The following CNTN5 variants were observed in gnomAD, a reference collection of about 807,000 sequenced individuals.
The protein encoded by CNTN5 is contactin 5, also known as contactin-5.
CNTN5 carries 77 observed loss-of-function variants against 129.1 expected under a neutral mutation model. That is an observed-to-expected ratio of 0.60 (90% CI 0.50 to 0.72). The LOEUF (loss-of-function observed/expected upper bound fraction) is 0.72, where lower values mean the gene tolerates loss of function less well. Among genes scored for constraint, CNTN5 ranks in the 30% least tolerant of loss-of-function variants. The pLI, the probability that CNTN5 is intolerant of heterozygous loss-of-function variation, is 0.00. For synonymous variants in CNTN5, 509 were observed against 465.6 expected (o/e 1.09, Z -1.20); for missense variants, 1,478 against 1,328.8 (o/e 1.11, Z -1.75).
intron 9 of CNTN5, among the ~76,000 whole-genome samples, chr11:100,022,527 A>G (rs1326004447): frequency 1.3e-5 from 2 of 152,190 alleles, no homozygotes; most frequent in African/African-American, 4.8e-5. Flanking sequence ...CAATGATACT[A>G]TTTGTTTGAC....
At chr11:100,013,500 T>C (rs971573407) in intron 9 of CNTN5, among the ~76,000 whole-genome samples, 10 of 152,318 alleles carry the variant, frequency 6.6e-5, no homozygotes, top group African/African-American at 2.4e-4. Context: ...AATCTGAGTA[T>C]ATGTAAAACT....
At chr11:99,034,164 G>A (rs577877551) in intron 1 of CNTN5, among the ~76,000 whole-genome samples, 5,354 of 152,066 alleles carry the variant, frequency 0.035, 304 homozygotes, top group African/African-American at 0.12. Flanking sequence ...TGCTGGATTC[G>A]GTTTGCCAGT....
intron 1 of CNTN5, among the ~76,000 whole-genome samples, chr11:99,127,598 G>C (rs1440837473): frequency 6.6e-6 from 1 of 152,108 alleles, no homozygotes; most frequent in Non-Finnish European, 1.5e-5. Context: ...CTCTCTGGTC[G>C]GTGTTCTAGC....
At chr11:99,872,820 C>T (rs1399399137) in intron 6 of CNTN5, among the ~76,000 whole-genome samples, 2 of 151,996 alleles carry the variant, frequency 1.3e-5, no homozygotes, top group African/African-American at 2.4e-5. Flanking sequence ...ACATACTGTC[C>T]TTAATAGCAA....
intron 3 of CNTN5, among the ~76,000 whole-genome samples, chr11:99,726,418 A>G (rs1565465168): frequency 6.6e-6 from 1 of 152,202 alleles, no homozygotes; most frequent in African/African-American, 2.4e-5. Context: ...TAGTGTCTGA[A>G]GCAAGGAGAG....
intron 7 of CNTN5, among the ~76,000 whole-genome samples, chr11:99,940,467 A>T (rs1361869196): frequency 2.0e-5 from 3 of 152,192 alleles, no homozygotes; most frequent in Non-Finnish European, 4.4e-5. Flanking sequence ...ATGGCCACAT[A>T]AAGGCTAGTA....
At chr11:99,636,793 TG>T (rs112734594) in intron 3 of CNTN5, among the ~76,000 whole-genome samples, 90,174 of 150,164 alleles carry the variant, frequency 0.6, 27,922 homozygotes, top group Admixed American at 0.69. Context: ...GGTGGGGGGA[TG>T]GACGAGATCA....
At chr11:99,229,765 A>G (rs1860891887) in intron 1 of CNTN5, among the ~76,000 whole-genome samples, 1 of 152,078 alleles carries the variant, frequency 6.6e-6, no homozygotes, top group Non-Finnish European at 1.5e-5. Flanking sequence ...GAACAGTTTC[A>G]GGCTAGTGTC....
At chr11:99,930,132 C>A (rs1010744546) in intron 7 of CNTN5, among the ~76,000 whole-genome samples, 21 of 152,092 alleles carry the variant, frequency 1.4e-4, no homozygotes. Flanking sequence ...CCACATGCAT[C>A]ATTTGGTGGT....
chr11:99,520,828 G>C (rs911980729), intron 2 of CNTN5, among the ~76,000 whole-genome samples: 8 of 152,084 alleles, frequency 5.3e-5, no homozygotes, highest in South Asian at 4.2e-4. Context: ...TGTTACAATG[G>C]CTTGGGTAGC....
chr11:99,071,346 A>G, intron 1 of CNTN5, among the ~76,000 whole-genome samples: 1 of 152,120 alleles, frequency 6.6e-6, no homozygotes, highest in Admixed American at 6.6e-5. Flanking sequence ...GCTGAGAGTG[A>G]TGAGGTTAAA....
chr11:99,670,449 A>G (rs192580671), intron 3 of CNTN5, among the ~76,000 whole-genome samples: 4 of 152,282 alleles, frequency 2.6e-5, no homozygotes, highest in South Asian at 4.1e-4. Context: ...TGGTGTCTCA[A>G]CACCAGCCTA....
chr11:100,067,043 C>T (rs961721272), intron 10 of CNTN5, among the ~76,000 whole-genome samples: 4 of 151,510 alleles, frequency 2.6e-5, no homozygotes, highest in South Asian at 2.1e-4. Flanking sequence ...TTTTTTGCCT[C>T]GGACCATATA....
At chr11:99,696,078 A>G (rs1034836970) in intron 3 of CNTN5, among the ~76,000 whole-genome samples, 42 of 152,112 alleles carry the variant, frequency 2.8e-4, no homozygotes, top group Admixed American at 3.3e-4. Context: ...TCATATACCA[A>G]TGTTTATTCT....
chr11:99,440,675 T>A (rs1329857530), intron 2 of CNTN5, among the ~76,000 whole-genome samples: 2 of 145,178 alleles, frequency 1.4e-5, no homozygotes, highest in African/African-American at 2.4e-5. Flanking sequence ...TTACATAACT[T>A]TTTTTTTTCT....
chr11:100,145,456 G>A (rs776598072), intron 13 of CNTN5, among the ~76,000 whole-genome samples: 27 of 152,088 alleles, frequency 1.8e-4, no homozygotes, highest in Admixed American at 1.5e-3. Flanking sequence ...TGACTCTTAC[G>A]TAGGTAGGTG....
At chr11:99,496,314 G>A (rs369646733) in intron 2 of CNTN5, among the ~76,000 whole-genome samples, 8 of 152,130 alleles carry the variant, frequency 5.3e-5, no homozygotes, top group South Asian at 2.1e-4. Context: ...TCGTTCTGTC[G>A]CCAGGCTGGA....
chr11:99,621,166 A>G (rs1442503187), intron 3 of CNTN5, among the ~76,000 whole-genome samples: 1 of 152,178 alleles, frequency 6.6e-6, no homozygotes, highest in Non-Finnish European at 1.5e-5. Flanking sequence ...GATTGGAACC[A>G]TTGTTCAGTC....
At chr11:99,273,168 G>GA (rs2135862952) in intron 1 of CNTN5, among the ~76,000 whole-genome samples, 1 of 151,800 alleles carries the variant, frequency 6.6e-6, no homozygotes, top group South Asian at 2.1e-4. Flanking sequence ...GTCTAAATGG[G>GA]AAAAAGCCAA....
Sources: gnomAD v4.1 joint callset for allele counts (sites outside exome capture counted in the v4.1 genomes callset) on GRCh38, gnomAD v4.1.1 for gene constraint, MANE v1.5 for transcripts, NCBI Gene and HGNC (gene_info 2026-07-23, HGNC 2026-07-21) for gene names.